PJA2: variants seen among roughly 807,000 people sequenced by gnomAD.
The protein encoded by PJA2 is E3 ubiquitin-protein ligase Praja-2.
A neutral mutation model predicts 69.3 loss-of-function variants in PJA2; 25 were observed. That is an observed-to-expected ratio of 0.36 (90% confidence interval 0.26 to 0.50). PJA2 has a LOEUF of 0.50. Ranked by LOEUF, PJA2 falls within the 20% of genes least tolerant of loss-of-function variation. The pLI, the probability that PJA2 is intolerant of heterozygous loss-of-function variation, is 0.96. For synonymous variants in PJA2, 308 were observed against 277.8 expected (o/e 1.11, Z -1.08); for missense variants, 809 against 830.2 (o/e 0.97, Z 0.31).
chr5:109,343,290 A>G (rs1213193972), intron 9 of PJA2, among the ~76,000 whole-genome samples: 2 of 33,918 alleles, frequency 5.9e-5, no homozygotes, highest in African/African-American at 1.7e-4. Flanking sequence ...AAAAAAAAAA[A>G]AAGAAAGAAA....
At chr5:109,366,233 C>A (rs1283980172) in intron 5 of PJA2, among the ~76,000 whole-genome samples, 5 of 152,120 alleles carry the variant, frequency 3.3e-5, no homozygotes, top group Non-Finnish European at 5.9e-5. Flanking sequence ...TAGTCTGAAT[C>A]ACTGTTAGAA....
chr5:109,407,917 C>A (rs1747726555), intron 1 of PJA2, among the ~76,000 whole-genome samples: 1 of 152,042 alleles, frequency 6.6e-6, no homozygotes, highest in Non-Finnish European at 1.5e-5. Flanking sequence ...TCAGTTGTCT[C>A]CAAATTAATC....
At chr5:109,380,337 A>G (rs902518934) in intron 3 of PJA2, among the ~76,000 whole-genome samples, 1 of 152,128 alleles carries the variant, frequency 6.6e-6, no homozygotes, top group Non-Finnish European at 1.5e-5. Context: ...GAACAAGAGG[A>G]AGAAGACAAA....
At chr5:109,369,039 T>C (rs1762630222) in intron 4 of PJA2, among the ~76,000 whole-genome samples, 1 of 152,138 alleles carries the variant, frequency 6.6e-6, no homozygotes, top group Non-Finnish European at 1.5e-5. Context: ...TTACACCTGC[T>C]CCTGCCAAGT....
At chr5:109,387,823 C>T (rs1747193083) in intron 1 of PJA2, among the ~76,000 whole-genome samples, 1 of 82 alleles carries the variant, frequency 0.012, no homozygotes, top group African/African-American at 0.05. Flanking sequence ...AATTTAAAGA[C>T]AAAGGCCTGT....
At chr5:109,342,617 T>C (rs1582581115) in intron 9 of PJA2, among the ~76,000 whole-genome samples, 3 of 61,666 alleles carry the variant, frequency 4.9e-5, no homozygotes, top group Admixed American at 1.6e-4. Context: ...GAGGAGCCCC[T>C]CTGCCCGGCC....
intron 7 of PJA2, 118 bp from the exon 8 acceptor site, chr5:109,344,937 G>T: frequency 1.6e-6 from 1 of 634,912 alleles, no homozygotes; most frequent in Non-Finnish European, 2.7e-6. Context: ...AGTTTCTTTT[G>T]CTTTAGTCCT....
chr5:109,344,108 A>G, intron 9 of PJA2, 82 bp downstream of exon 9: 1 of 893,152 alleles, frequency 1.1e-6, no homozygotes, highest in Non-Finnish European at 1.5e-6. Context: ...ACCAAAAAAA[A>G]AAAAAAAAAA....
At chr5:109,391,562 G>A (rs78801336) in intron 1 of PJA2, among the ~76,000 whole-genome samples, 4,598 of 151,664 alleles carry the variant, frequency 0.03, 93 homozygotes, top group Middle Eastern at 0.048. Context: ...CCATTAAGAA[G>A]TCCATGTCAT....
At chr5:109,358,823 A>G (rs569485197) in intron 6 of PJA2, among the ~76,000 whole-genome samples, 1 of 152,330 alleles carries the variant, frequency 6.6e-6, no homozygotes, top group East Asian at 1.9e-4. Context: ...TCTGTCTCAA[A>G]AAAAACATAA....
At chr5:109,372,905 CAAAAAAAAAAA>C (rs528408590) in intron 4 of PJA2, among the ~76,000 whole-genome samples, 1 of 35,700 alleles carries the variant, frequency 2.8e-5, no homozygotes, top group African/African-American at 7.5e-5. Context: ...CACTCCGTCT[CAAAAAAAAAAA>C]AAAAAAAAAA....
intron 9 of PJA2, among the ~76,000 whole-genome samples, chr5:109,338,077 A>G (rs147716443): frequency 2.0e-5 from 3 of 152,252 alleles, no homozygotes; most frequent in African/African-American, 7.2e-5. Context: ...TTATAGAGCT[A>G]CGTTATCTGA....
At chr5:109,338,697 T>C (rs888036602) in intron 9 of PJA2, among the ~76,000 whole-genome samples, 3 of 146,674 alleles carry the variant, frequency 2.0e-5, no homozygotes, top group Non-Finnish European at 3.0e-5. Context: ...GTACTTGCCA[T>C]ACAGATTGGG....
At chr5:109,359,832 T>C (rs1392900101) in intron 6 of PJA2, among the ~76,000 whole-genome samples, 1 of 152,214 alleles carries the variant, frequency 6.6e-6, no homozygotes, top group Admixed American at 6.5e-5. Flanking sequence ...TGTATCAGCA[T>C]TAATTTGCTG....
intron 7 of PJA2, among the ~76,000 whole-genome samples, chr5:109,353,421 ATATATTAGATACCTATATATAGATATCT>A (rs1762309924): frequency 1.9e-5 from 1 of 51,662 alleles, no homozygotes; most frequent in Admixed American, 1.9e-4. Flanking sequence ...ATAGACATCT[ATATATTAGATACCTATATATAGATATCT>A]ATATATTAGA....
At chr5:109,364,439 C>T (rs1006265057) in intron 5 of PJA2, among the ~76,000 whole-genome samples, 12 of 151,266 alleles carry the variant, frequency 7.9e-5, no homozygotes, top group Middle Eastern at 3.4e-3. Context: ...CCGGCTAAAA[C>T]GGTGAAACCC....
At chr5:109,380,094 T>C (rs996756004) in intron 3 of PJA2, among the ~76,000 whole-genome samples, 7 of 136,706 alleles carry the variant, frequency 5.1e-5, no homozygotes, top group Non-Finnish European at 1.1e-4. Flanking sequence ...TTCTTTTTTT[T>C]TTTTTTTTTT....
At chr5:109,390,869 T>C (rs546968554) in intron 1 of PJA2, 12 of 152,248 alleles carry the variant, frequency 7.9e-5, no homozygotes, top group African/African-American at 2.6e-4. Flanking sequence ...GGCAGGCAAT[T>C]ATATTGCAAG....
intron 1 of PJA2, among the ~76,000 whole-genome samples, chr5:109,408,166 A>G (rs980667315): frequency 6.6e-6 from 1 of 152,212 alleles, no homozygotes; most frequent in African/African-American, 2.4e-5. Flanking sequence ...AATTGTTAAC[A>G]GTGGCTGACA....
Sources: allele counts gnomAD v4.1 joint callset (sites outside exome capture counted in the v4.1 genomes callset), GRCh38; gene constraint gnomAD v4.1.1; transcripts MANE v1.5; gene names NCBI Gene and HGNC (gene_info 2026-07-23, HGNC 2026-07-21).